Variants in EHF observed in about 807,000 individuals in gnomAD.
The protein encoded by EHF is ETS homologous factor, also known as ESE3 transcription factor.
EHF carries 14 observed loss-of-function variants against 45.1 expected under a neutral mutation model. The observed-to-expected ratio is 0.31, with a 90% CI of 0.21 to 0.49. EHF has a LOEUF of 0.49. Ranked by LOEUF, EHF falls within the 20% of genes least tolerant of loss-of-function variation. The probability of loss-of-function intolerance (pLI) is 0.99; values close to 1 mark genes in which losing one functional copy is unlikely to be tolerated. For missense variants in EHF, 282 were observed against 371.4 expected, an observed-to-expected ratio of 0.76 and a Z score of 1.98; for synonymous variants, 136 against 131.8, an observed-to-expected ratio of 1.03 and a Z score of -0.22.
chr11:34,649,721 C>G (rs1277036100), intron 4 of EHF, among the ~76,000 whole-genome samples: 1 of 152,134 alleles, frequency 6.6e-6, no homozygotes, highest in Admixed American at 6.5e-5. Context: ...GGAGACTGTC[C>G]TCCAAAGTCC....
At position 34,658,992 on chromosome 11, in the gene EHF, C is replaced by G. The variant is rs773214965; in HGVS notation, c.*61C>G. ...ACCAAATAATCAGAAACAAAGAACT[C>G]CTGGACGTAAATATTTCAAAGACTA... On this transcript the variant is annotated 3_prime_UTR_variant, in exon 9 of 9. Transcript: ENST00000257831. 3 of 1,300,900 alleles carry G rather than the reference C, an allele frequency of 2.3e-6. No homozygotes were observed. The highest frequency in any genetic ancestry group is 3.2e-6 in the Non-Finnish European group (3 of 930,806). 80.6% of individuals were successfully genotyped at this position (1,300,900 alleles called of 1,614,324 possible).
intron 1 of EHF, among the ~76,000 whole-genome samples, chr11:34,628,710 C>T (rs1193098903): frequency 6.6e-6 from 1 of 152,140 alleles, no homozygotes; most frequent in Non-Finnish European, 1.5e-5. Flanking sequence ...TAGTTTAATC[C>T]TCCCAATGAC....
Position 34,651,719 on chromosome 11 carries a change from A to T in EHF, c.476-18A>T, listed in dbSNP as rs776723112. ...GGAGGGGGTGCTCTAAATGTCCTTT[A>T]TCTTTTCATGGCCACAGATTTGTTG... On this transcript the variant is annotated intron_variant, in intron 5 of 8. Transcript: ENST00000257831. The T allele has an allele frequency of 6.2e-7, 1 of 1,613,892 alleles. No individual in the cohort carries two copies. Among genetic ancestry groups the T allele is most frequent in the Non-Finnish European group, 8.5e-7 (1 of 1,179,858 alleles).
At chr11:34,652,835 G>C (rs1435767191) in intron 6 of EHF, among the ~76,000 whole-genome samples, 1 of 152,202 alleles carries the variant, frequency 6.6e-6, no homozygotes, top group Admixed American at 6.5e-5. Context: ...AGATGGGGCT[G>C]GGAGCCAATG....
At chr11:34,631,786 C>T (rs1852912968) in intron 1 of EHF, among the ~76,000 whole-genome samples, 1 of 152,172 alleles carries the variant, frequency 6.6e-6, no homozygotes, top group South Asian at 2.1e-4. Flanking sequence ...AGGAGGTAAC[C>T]TAGAGACTAC....
chr11:34,649,824 G>A (rs539105490), intron 4 of EHF, among the ~76,000 whole-genome samples: 1 of 152,334 alleles, frequency 6.6e-6, no homozygotes, highest in East Asian at 1.9e-4. Flanking sequence ...GGCCAACCAA[G>A]CTTTCCATAG....
chr11:34,645,017 G>A lies in EHF; in HGVS notation c.98-1422G>A, dbSNP rs182008610. On this transcript the variant is annotated intron_variant, in intron 2 of 8. Transcript: ENST00000257831. ...ATTTGTTGGAATATCCATGTGTCAC[G>A]TTCTGTTGGATTTCCCCTGCTTCAG... is the stretch of plus-strand genomic sequence containing the variant. Among the ~76,000 whole-genome samples the A allele has an allele frequency of 6.6e-5, 10 of 152,244 alleles. No individual in the cohort carries two copies. In the South Asian group the frequency reaches 1.7e-3, roughly 25 times the overall value.
intron 4 of EHF, among the ~76,000 whole-genome samples, chr11:34,651,114 C>T (rs1855116671): frequency 6.6e-6 from 1 of 150,594 alleles, no homozygotes; most frequent in African/African-American, 2.4e-5. Flanking sequence ...CCCCCAAGGC[C>T]TCATTAATTA....
chr11:34,649,269 C>T (rs980077129), intron 4 of EHF, among the ~76,000 whole-genome samples, 188 bp downstream of exon 4: 1 of 152,166 alleles, frequency 6.6e-6, no homozygotes, highest in African/African-American at 2.4e-5. Context: ...CAGTGACTGC[C>T]ACCTATTTCC....
intron 1 of EHF, chr11:34,631,653 G>A: frequency 2.4e-6 from 2 of 818,422 alleles, no homozygotes; most frequent in Non-Finnish European, 1.5e-6. Context: ...CCTCATTTAT[G>A]CGATGGGAAA....
At chr11:34,626,281 CA>C (rs1005816581) in intron 1 of EHF, among the ~76,000 whole-genome samples, 1 of 152,178 alleles carries the variant, frequency 6.6e-6, no homozygotes, top group African/African-American at 2.4e-5. Flanking sequence ...TAGCCTGATA[CA>C]ACATCCCCCA....
intron 1 of EHF, among the ~76,000 whole-genome samples, chr11:34,640,809 G>A (rs1853923593): frequency 6.6e-6 from 1 of 152,194 alleles, no homozygotes; most frequent in Admixed American, 6.5e-5. Context: ...CTGAGGCCCA[G>A]CATCATTTCT....
intron 6 of EHF, among the ~76,000 whole-genome samples, chr11:34,653,143 TCCTTCCATCCTTCC>T (rs1218158910): frequency 0.023 from 2 of 86 alleles, no homozygotes; most frequent in South Asian, 0.5. Flanking sequence ...ATCTCCCACA[TCCTTCCATCCTTCC>T]ATCCTTCCAT....
chr11:34,651,840 T>A (rs373011767), intron 6 of EHF, 35 bp downstream of exon 6: 1 of 1,590,966 alleles, frequency 6.3e-7, no homozygotes, highest in Non-Finnish European at 8.6e-7. Context: ...TGGGTATGCC[T>A]AATGCTTAGG....
At chr11:34,656,772 G>T in intron 6 of EHF, 136 bp from the exon 7 acceptor site, 2 of 897,062 alleles carry the variant, frequency 2.2e-6, no homozygotes, top group Non-Finnish European at 1.7e-6. Flanking sequence ...GTTTTGTTTG[G>T]TTCACTAGCA....
chr11:34,643,948 T>C (rs986527530), intron 2 of EHF, among the ~76,000 whole-genome samples: 33 of 152,166 alleles, frequency 2.2e-4, no homozygotes, highest in African/African-American at 1.4e-4. Flanking sequence ...CAAAGAAAGC[T>C]CAGCCTTGAT....
chr11:34,639,373 A>G (rs893988082), intron 1 of EHF, among the ~76,000 whole-genome samples: 2 of 152,252 alleles, frequency 1.3e-5, no homozygotes, highest in African/African-American at 4.8e-5. Flanking sequence ...TACTACAGAA[A>G]GTCTACATTA....
chr11:34,648,406 G>T (rs2134157795), intron 3 of EHF, among the ~76,000 whole-genome samples: 1 of 151,894 alleles, frequency 6.6e-6, no homozygotes, highest in South Asian at 2.1e-4. Flanking sequence ...AATGGGAGAG[G>T]AGTTGCAAGC....
At chr11:34,650,470 C>T (rs1274148408) in intron 4 of EHF, among the ~76,000 whole-genome samples, 3 of 152,136 alleles carry the variant, frequency 2.0e-5, no homozygotes, top group Admixed American at 6.5e-5. Flanking sequence ...ATCCCTATGT[C>T]GTAAACACGA....
Sources: allele counts gnomAD v4.1 joint callset (sites outside exome capture counted in the v4.1 genomes callset), GRCh38; gene constraint gnomAD v4.1.1; transcripts MANE v1.5; gene names NCBI Gene and HGNC (gene_info 2026-07-23, HGNC 2026-07-21).